Variants in MYO7B observed in about 807,000 individuals in gnomAD.
The protein encoded by MYO7B is unconventional myosin-VIIb.
MYO7B carries 212 observed loss-of-function variants against 259.7 expected under a neutral mutation model. The observed-to-expected ratio is 0.82, with a 90% confidence interval of 0.73 to 0.91. The LOEUF (loss-of-function observed/expected upper bound fraction) is 0.91. Among genes scored for constraint, MYO7B ranks in the 40% least tolerant of loss-of-function variants. The pLI is 0.00. For missense variants in MYO7B, 2,732 were observed against 2,813.5 expected, an observed-to-expected ratio of 0.97 and a Z score of 0.66; for synonymous variants, 1,197 against 1,166.4, an observed-to-expected ratio of 1.03 and a Z score of -0.54.
rs535346944 is a variant in MYO7B at position 127,546,335 on chromosome 2, C to T, written c.-24+10504C>T. Among the ~76,000 whole-genome samples, 120 of 152,320 alleles carry T rather than the reference C, an allele frequency of 7.9e-4. No individual in the cohort carries two copies. The highest frequency in any genetic ancestry group is 1.4e-3 in the Non-Finnish European group (94 of 68,022). The stretch of plus-strand genomic sequence containing the variant: ...CAAATGAGAGAACCTGTGGAAAGTG[C>T]CCTGCACACAACCTGGCACTCAGCT... On this transcript the variant is annotated intron_variant, in intron 1 of 47. Transcript: ENST00000409816. The surrounding 1 kb of genome is among the most constrained non-coding windows in gnomAD (Gnocchi z 4.2).
In MYO7B at chr2:127,599,392, A is replaced by T. The variant is rs7578204; in HGVS notation, c.2339+2836A>T. On this transcript the variant is annotated intron_variant, in intron 19 of 47. Transcript: ENST00000409816. Reference sequence around the variant, plus strand: ...TGTTGGATTTTTGTGTGTTGACTTCATATCCTGCAGCCTTGCTGAGCTCAC... The same window carrying T: ...TGTTGGATTTTTGTGTGTTGACTTCTTATCCTGCAGCCTTGCTGAGCTCAC... Among the ~76,000 whole-genome samples the T allele has an allele frequency of 4.3e-3, 658 of 152,352 alleles. 5 individuals carry two copies. Among genetic ancestry groups the T allele is most frequent in the African/African-American group, 0.015 (627 of 41,580 alleles).
Position 127,628,671 on chromosome 2 carries a change from T to G in MYO7B, c.4624+136T>G. The stretch of plus-strand genomic sequence containing the variant: ...AGAGGGAGGGAAGGCCCCAAAGCTC[T>G]GTGGGGGCAGCTTTAGGCAAGGCCC... On this transcript the variant is annotated intron_variant, in intron 34 of 47. Coordinates refer to ENST00000409816, the MANE Select transcript of MYO7B (RefSeq NM_001393586.1). The surrounding 1 kb of genome is among the most constrained non-coding windows in gnomAD (Gnocchi z 4.8). 6.3e-6 allele frequency: 6 copies of G among 957,322 alleles called. No homozygotes were observed. Among genetic ancestry groups the G allele is most frequent in the Non-Finnish European group, 9.2e-6 (6 of 653,416 alleles). The allele number at this position is 957,322 out of a possible 1,614,324, so 59.3% of individuals were successfully genotyped here.
chr2:127,632,088 A>G (rs993752022), intron 38 of MYO7B, among the ~76,000 whole-genome samples, 158 bp from the exon 39 acceptor site: 3 of 152,216 alleles, frequency 2.0e-5, no homozygotes, highest in African/African-American at 7.2e-5. Flanking sequence ...GGCATCGGGC[A>G]GCCTGGCACA....
rs1047930346 is a variant in MYO7B at position 127,613,040 on chromosome 2, G to T, written c.3398+437G>T. ...ATGCGTAGAAGCAGAATCCGAACAT[G>T]CAGAGACTGATTGTTCACTGCTTTA... On this transcript the variant is annotated intron_variant, in intron 26 of 47. Coordinates refer to ENST00000409816, the MANE Select transcript of MYO7B (RefSeq NM_001393586.1). The surrounding 1 kb of genome is among the most constrained non-coding windows in gnomAD (Gnocchi z 4.3). Among the ~76,000 whole-genome samples the T allele has an allele frequency of 1.3e-5, 2 of 152,238 alleles. No individual in the cohort carries two copies. The highest frequency in any genetic ancestry group is 2.4e-5 in the African/African-American group (1 of 41,446).
At chr2:127,562,419 C>T (rs1308934067) in intron 2 of MYO7B, among the ~76,000 whole-genome samples, 1 of 151,774 alleles carries the variant, frequency 6.6e-6, no homozygotes, top group Admixed American at 6.6e-5. Context: ...GCATCAGCCT[C>T]CTGATTAGCT....
rs1318397796 is a variant in MYO7B, at chr2:127,621,267, T to TG, written c.3526-715_3526-714insG. 1.4e-3 allele frequency among the ~76,000 whole-genome samples: 210 copies of TG among 146,820 alleles called. 3 individuals carry two copies. The highest frequency in any genetic ancestry group is 5.3e-3 in the African/African-American group (205 of 38,454). ...ACTCTTCTGCAATTTTTTTTTTTGT[T>TG]TTTTTTTTTTTTTTGAGACGGAGTC... is the stretch of plus-strand genomic sequence containing the variant. On this transcript the variant is annotated intron_variant, in intron 27 of 47. Coordinates refer to ENST00000409816, the MANE Select transcript of MYO7B (RefSeq NM_001393586.1).
chr2:127,633,438 G>A, intron 40 of MYO7B, 75 bp downstream of exon 40: 1 of 1,437,944 alleles, frequency 7.0e-7, no homozygotes, highest in South Asian at 1.2e-5. Flanking sequence ...TCCTGGCCCA[G>A]CCTGCTCCTT....
chr2:127,555,951 G>A (rs1324121277), intron 1 of MYO7B, among the ~76,000 whole-genome samples: 2 of 151,966 alleles, frequency 1.3e-5, no homozygotes, highest in Non-Finnish European at 2.9e-5. Context: ...TTGTTTTTTT[G>A]TTGACTTCTG....
At chr2:127,558,633 G>T (rs527717527) in intron 1 of MYO7B, among the ~76,000 whole-genome samples, 1 of 152,084 alleles carries the variant, frequency 6.6e-6, no homozygotes, top group Non-Finnish European at 1.5e-5. Context: ...AAGAAATTGT[G>T]ATATCTATGT....
At chr2:127,630,130 C>A (rs1430875416) in intron 35 of MYO7B, among the ~76,000 whole-genome samples, 1 of 152,222 alleles carries the variant, frequency 6.6e-6, no homozygotes, top group Admixed American at 6.5e-5. Context: ...GGACTCAAGT[C>A]TCTCCCTGCA....
In MYO7B at chr2:127,584,211, G is replaced by A. The variant is rs1398377869; in HGVS notation, c.1433G>A (p.Arg478His). 2.0e-5 allele frequency: 33 copies of A among 1,613,974 alleles called. 1 individual carries two copies. The highest frequency in any genetic ancestry group is 1.6e-4 in the East Asian group (7 of 44,862). The change falls in exon 13 of 48, where the codon CGC becomes CAC. Residue 478 changes from arginine to histidine, a missense_variant. Physicochemically the swap from Arg to His is conservative, Grantham distance 29. This residue lies in a region of MYO7B where 1,906 missense variants were observed against 2,026.4 expected (regional missense o/e 0.94). Transcript: ENST00000409816. The surrounding 1 kb of genome is among the most constrained non-coding windows in gnomAD (Gnocchi z 5.8). ...TTCACCATGGAGCAAGAGGAGTACC[G>A]CTCGGAGAACATCTCCTGGGACTAT... ...HVFTMEQEEYRSENISWDYIH... is the reference protein window; with the variant it reads ...HVFTMEQEEYHSENISWDYIH...
intron 6 of MYO7B, among the ~76,000 whole-genome samples, chr2:127,570,475 G>C (rs990225305): frequency 1.4e-4 from 22 of 152,236 alleles, no homozygotes; most frequent in Admixed American, 6.5e-4. Context: ...TCCTTAGAAG[G>C]CTCCTGGCTT....
Position 127,590,920 on chromosome 2 carries a change from G to A in MYO7B, c.1992+691G>A, listed in dbSNP as rs1347845486. Among the ~76,000 whole-genome samples the A allele has an allele frequency of 1.3e-5, 2 of 152,264 alleles. No individual in the cohort carries two copies. Among genetic ancestry groups the A allele is most frequent in the African/African-American group, 2.4e-5 (1 of 41,474 alleles). On this transcript the variant is annotated intron_variant, in intron 16 of 47. Coordinates refer to ENST00000409816, the MANE Select transcript of MYO7B (RefSeq NM_001393586.1). The surrounding 1 kb of genome is among the most constrained non-coding windows in gnomAD (Gnocchi z 4.6). ...ATGTGAAATCGAGTTTGATCTGGGT[G>A]CAGTAGCTCACGCTTGTAATCCCAG...
chr2:127,621,889 G>A, intron 27 of MYO7B, 93 bp from the exon 28 acceptor site: 1 of 1,519,636 alleles, frequency 6.6e-7, no homozygotes, highest in Non-Finnish European at 8.9e-7. Flanking sequence ...ATTATACACT[G>A]AGTATTATAA....
chr2:127,637,510 G>A lies in MYO7B; in HGVS notation c.*93G>A. 2.0e-6 allele frequency: 2 copies of A among 993,514 alleles called. No homozygotes were observed. Among genetic ancestry groups the A allele is most frequent in the Middle Eastern group, 2.4e-4 (1 of 4,248 alleles). 61.5% of individuals were successfully genotyped at this position (993,514 alleles called of 1,614,324 possible). A position where few individuals can be genotyped will look rare whatever the true frequency, so the allele number is the denominator to read the frequency against. On this transcript the variant is annotated 3_prime_UTR_variant, in exon 48 of 48. Transcript: ENST00000409816. ...CCTCTCAACCCAGGGCCTGTCCTTG[G>A]CGGGCAGCCTTCCATGCTGCCCCCC...
chr2:127,563,966 G>A (rs928811426), intron 2 of MYO7B, among the ~76,000 whole-genome samples, 187 bp from the exon 3 acceptor site: 8 of 152,170 alleles, frequency 5.3e-5, no homozygotes, highest in African/African-American at 1.4e-4. Context: ...CTGTACAGGC[G>A]CTTGGTACCT....
At chr2:127,541,516 A>G (rs935863264) in intron 1 of MYO7B, among the ~76,000 whole-genome samples, 2 of 152,222 alleles carry the variant, frequency 1.3e-5, no homozygotes, top group Admixed American at 1.3e-4. Context: ...AATAGCATCA[A>G]TGAGTCTGAA....
At chr2:127,562,282 T>G (rs1445444459) in intron 2 of MYO7B, among the ~76,000 whole-genome samples, 2 of 152,190 alleles carry the variant, frequency 1.3e-5, no homozygotes, top group South Asian at 4.2e-4. Flanking sequence ...TCTTCCTAAT[T>G]CTAATTTTAT....
intron 6 of MYO7B, among the ~76,000 whole-genome samples, chr2:127,570,882 T>C (rs13427676): frequency 0.032 from 4,865 of 152,186 alleles, 258 homozygotes; most frequent in African/African-American, 0.11. Flanking sequence ...TCTAGTTACC[T>C]TGGCTATTTG....
Sources: allele counts gnomAD v4.1 joint callset (sites outside exome capture counted in the v4.1 genomes callset), GRCh38; gene constraint gnomAD v4.1.1; regional missense constraint gnomAD v4.1.1; non-coding constraint Gnocchi (gnomAD v3.1); transcripts MANE v1.5; gene names NCBI Gene and HGNC (gene_info 2026-07-23, HGNC 2026-07-21).